The following OGDHL variants were observed in gnomAD, a reference collection of about 807,000 sequenced individuals.
OGDHL encodes oxoglutarate dehydrogenase L, also known as 2-oxoglutarate dehydrogenase-like, mitochondrial.
A neutral mutation model predicts 109.6 loss-of-function variants in OGDHL; 79 were observed. That is an observed-to-expected ratio of 0.72 (90% CI 0.60 to 0.87). OGDHL has a LOEUF of 0.87. Ranked by LOEUF, OGDHL falls within the 40% of genes least tolerant of loss-of-function variation. The pLI is 0.00. For missense variants in OGDHL, 1,275 were observed against 1,362.2 expected, an observed-to-expected ratio of 0.94 and a Z score of 1.01; for synonymous variants, 528 against 537.2, an observed-to-expected ratio of 0.98 and a Z score of 0.24.
At chr10:49,750,681 A>T (rs1211031963) in intron 7 of OGDHL, among the ~76,000 whole-genome samples, 158 bp downstream of exon 7, 2 of 152,190 alleles carry the variant, frequency 1.3e-5, no homozygotes, top group Non-Finnish European at 2.9e-5. Flanking sequence ...AATTTCTGTG[A>T]CGAGCAGGCC....
At chr10:49,744,790 C>T (rs1436317434) in intron 12 of OGDHL, 38 bp from the exon 13 acceptor site, 2 of 1,549,980 alleles carry the variant, frequency 1.3e-6, no homozygotes, top group Non-Finnish European at 1.8e-6. Context: ...AGCACCAAAG[C>T]CCTGCGCAGC....
chr10:49,739,528 C>T (rs1841479446), intron 17 of OGDHL, 133 bp downstream of exon 17: 1 of 1,109,432 alleles, frequency 9.0e-7, no homozygotes, highest in African/African-American at 1.6e-5. Flanking sequence ...AGACCCCACC[C>T]TGCACAGACC....
At chr10:49,737,124 A>G (rs1841256389) in intron 20 of OGDHL, among the ~76,000 whole-genome samples, 1 of 152,152 alleles carries the variant, frequency 6.6e-6, no homozygotes, top group Non-Finnish European at 1.5e-5. Context: ...GGCCCTCAAG[A>G]GAGAAGCCAG....
At chr10:49,743,815 C>T in intron 14 of OGDHL, 179 bp downstream of exon 14, 1 of 683,898 alleles carries the variant, frequency 1.5e-6, no homozygotes, top group Non-Finnish European at 2.3e-6. Context: ...TCGCCACGCC[C>T]ACCCTGAAAA....
In OGDHL at chr10:49,744,761, A is replaced by C. The variant is rs1190552575; in HGVS notation, c.1630-9T>G. ...TATTTGGCAATTTCTTCCTGGAATC[A>C]GGATGAAGATGTGGACAGAGCACCA... On this transcript the variant is annotated splice_polypyrimidine_tract_variant and intron_variant, in intron 12 of 22. Coordinates refer to ENST00000374103, the MANE Select transcript of OGDHL (RefSeq NM_018245.3). 1 of 1,612,018 alleles carries C rather than the reference A, an allele frequency of 6.2e-7. No individual in the cohort carries two copies. The highest frequency in any genetic ancestry group is 8.5e-7 in the Non-Finnish European group (1 of 1,178,046).
chr10:49,752,081 C>T (rs1353481380), intron 5 of OGDHL, 52 bp downstream of exon 5: 3 of 1,609,286 alleles, frequency 1.9e-6, no homozygotes, highest in Non-Finnish European at 2.6e-6. Context: ...CGTCCTCTGG[C>T]AAGCTCCAAA....
In OGDHL at chr10:49,735,137, C is replaced by T; in HGVS notation, c.*91G>A. ...TTTATCCTGGGGCCCCACAGCCCCTCTCCTGGGCAGGAGCTCCGCCCCTCC... is the reference window on the plus strand; with the variant it reads ...TTTATCCTGGGGCCCCACAGCCCCTTTCCTGGGCAGGAGCTCCGCCCCTCC... On this transcript the variant is annotated 3_prime_UTR_variant, in exon 23 of 23. Transcript: ENST00000374103. The T allele has an allele frequency of 6.5e-7, 1 of 1,537,614 alleles. No homozygotes were observed. The highest frequency in any genetic ancestry group is 1.3e-5 in the South Asian group (1 of 77,968).
At chr10:49,751,561 C>T (rs1325054095) in intron 6 of OGDHL, among the ~76,000 whole-genome samples, 4 of 152,204 alleles carry the variant, frequency 2.6e-5, no homozygotes, top group African/African-American at 7.2e-5. Flanking sequence ...AGCCACTTCC[C>T]GCCACTTCTG....
chr10:49,740,884 C>T (rs1474674224), intron 15 of OGDHL, 47 bp from the exon 16 acceptor site: 1 of 1,608,484 alleles, frequency 6.2e-7, no homozygotes, highest in South Asian at 1.1e-5. Flanking sequence ...GGTGGGCTGG[C>T]ACCTGTTCAC....
intron 20 of OGDHL, among the ~76,000 whole-genome samples, chr10:49,736,864 G>A (rs147870147): frequency 8.5e-5 from 13 of 152,136 alleles, no homozygotes; most frequent in African/African-American, 1.7e-4. Flanking sequence ...GCCCAGCTGC[G>A]CCCACCTCCT....
At chr10:49,761,414 C>G (rs1008595053) in intron 1 of OGDHL, among the ~76,000 whole-genome samples, 1 of 152,234 alleles carries the variant, frequency 6.6e-6, no homozygotes. Context: ...TAAACAGAGG[C>G]CGGGAAGGGT....
chr10:49,757,720 A>C (rs1843000248), intron 2 of OGDHL, among the ~76,000 whole-genome samples: 1 of 152,232 alleles, frequency 6.6e-6, no homozygotes, highest in Admixed American at 6.5e-5. Context: ...AAGATCTTGG[A>C]GATACATCAC....
chr10:49,760,465 C>G (rs527632540), intron 1 of OGDHL, among the ~76,000 whole-genome samples: 3 of 152,374 alleles, frequency 2.0e-5, no homozygotes, highest in African/African-American at 7.2e-5. Context: ...GCCAGCCCAG[C>G]TGGCCACTAG....
chr10:49,735,841 A>T (rs1325525467), intron 22 of OGDHL, among the ~76,000 whole-genome samples, 182 bp downstream of exon 22: 1 of 152,228 alleles, frequency 6.6e-6, no homozygotes, highest in African/African-American at 2.4e-5. Context: ...GACATGTAGC[A>T]GGTTCCTTAA....
At chr10:49,750,579 T>C (rs574035199) in intron 7 of OGDHL, among the ~76,000 whole-genome samples, 3 of 152,264 alleles carry the variant, frequency 2.0e-5, no homozygotes, top group African/African-American at 7.2e-5. Context: ...ATCTCACCCT[T>C]GCTAGGGACA....
chr10:49,738,706 A>G (rs1426383536), intron 17 of OGDHL: 1 of 187,858 alleles, frequency 5.3e-6, no homozygotes. Flanking sequence ...ACCCATGACC[A>G]CACAGCCAGG....
chr10:49,735,434 C>T lies in OGDHL; in HGVS notation c.2910-83G>A. ...GCCCTCACTCCGGGACTGCAGGGGG[C>T]ACGCATCTGAGAACCGCTGACCTCG... On this transcript the variant is annotated intron_variant, in intron 22 of 22. Coordinates refer to ENST00000374103, the MANE Select transcript of OGDHL (RefSeq NM_018245.3). 2.0e-6 allele frequency: 3 copies of T among 1,513,816 alleles called. No individual in the cohort carries two copies. In the Admixed American group the frequency reaches 6.0e-5, roughly 30 times the overall value. The allele number at this position is 1,513,816 out of a possible 1,614,324, so 93.8% of individuals were successfully genotyped here.
chr10:49,752,020 G>A (rs1308827030), intron 5 of OGDHL, 39 bp from the exon 6 acceptor site: 1 of 1,613,320 alleles, frequency 6.2e-7, no homozygotes, highest in Non-Finnish European at 8.5e-7. Context: ...GAGCGGGGAA[G>A]AGGGACGGCT....
At chr10:49,739,586 G>A (rs1435800305) in intron 17 of OGDHL, 75 bp downstream of exon 17, 44 of 1,536,258 alleles carry the variant, frequency 2.9e-5, no homozygotes, top group Non-Finnish European at 3.6e-5. Flanking sequence ...ACCCGACAAG[G>A]GGCCCAGGGT....
Sources: gnomAD v4.1 joint callset for allele counts (sites outside exome capture counted in the v4.1 genomes callset) on GRCh38, gnomAD v4.1.1 for gene constraint, MANE v1.5 for transcripts, NCBI Gene and HGNC (gene_info 2026-07-23, HGNC 2026-07-21) for gene names.